Variants in MACROD2 observed in about 807,000 individuals in gnomAD.
The protein encoded by MACROD2 is mono-ADP ribosylhydrolase 2, also known as ADP-ribose glycohydrolase MACROD2.
In MACROD2, 36 loss-of-function variants were observed where a neutral mutation model predicts 70.4. The observed-to-expected ratio is 0.51, with a 90% CI of 0.39 to 0.68. The LOEUF (loss-of-function observed/expected upper bound fraction) is 0.68. MACROD2 is among the 30% of genes least tolerant of loss of function. The probability of loss-of-function intolerance (pLI) is 0.00; values close to 1 mark genes in which losing one functional copy is unlikely to be tolerated. For synonymous variants in MACROD2, 172 were observed against 178.8 expected (o/e 0.96, Z 0.30); for missense variants, 496 against 538.4 (o/e 0.92, Z 0.78).
intron 8 of MACROD2, among the ~76,000 whole-genome samples, chr20:15,563,877 G>A (rs938851338): frequency 2.0e-5 from 3 of 152,196 alleles, no homozygotes; most frequent in Non-Finnish European, 4.4e-5. Context: ...TGTTTTCCAT[G>A]CATATGATTC....
chr20:14,669,578 A>C (rs1328708577), intron 4 of MACROD2, among the ~76,000 whole-genome samples: 2 of 152,204 alleles, frequency 1.3e-5, no homozygotes, highest in Non-Finnish European at 2.9e-5. Context: ...AAATTCCTTG[A>C]GGAAAGATTA....
At chr20:15,205,964 G>T (rs1202283254) in intron 5 of MACROD2, among the ~76,000 whole-genome samples, 1 of 152,084 alleles carries the variant, frequency 6.6e-6, no homozygotes, top group Non-Finnish European at 1.5e-5. Flanking sequence ...CTGCTTGTTG[G>T]GCAGTAAAGC....
At chr20:14,809,242 C>T (rs961902654) in intron 5 of MACROD2, among the ~76,000 whole-genome samples, 3 of 152,094 alleles carry the variant, frequency 2.0e-5, no homozygotes, top group African/African-American at 7.2e-5. Flanking sequence ...GTTTCTCAGA[C>T]CACAGTGCAA....
chr20:14,003,319 G>T (rs925792196), intron 2 of MACROD2, among the ~76,000 whole-genome samples: 2 of 152,142 alleles, frequency 1.3e-5, no homozygotes, highest in African/African-American at 4.8e-5. Flanking sequence ...TTGGGTTTTA[G>T]ACACAACTTT....
chr20:14,485,649 C>G (rs890098326), intron 3 of MACROD2, among the ~76,000 whole-genome samples: 7 of 138,790 alleles, frequency 5.0e-5, no homozygotes, highest in African/African-American at 1.4e-4. Flanking sequence ...TGCAGTGAGC[C>G]GAGATCGTGC....
chr20:15,686,611 G>A (rs2050228243), intron 8 of MACROD2, among the ~76,000 whole-genome samples: 1 of 152,150 alleles, frequency 6.6e-6, no homozygotes, highest in Non-Finnish European at 1.5e-5. Context: ...GGTGGCTCAT[G>A]CCTGTAATCC....
chr20:14,536,662 T>TGTGC (rs1489076629), intron 4 of MACROD2, among the ~76,000 whole-genome samples: 4 of 143,494 alleles, frequency 2.8e-5, no homozygotes, highest in Non-Finnish European at 6.4e-5. Context: ...TGTGTGTGTG[T>TGTGC]GCATGCATGT....
chr20:15,093,222 G>C (rs1180794209), intron 5 of MACROD2, among the ~76,000 whole-genome samples: 1 of 152,046 alleles, frequency 6.6e-6, no homozygotes, highest in East Asian at 1.9e-4. Context: ...AGAAAATCGT[G>C]GTTTGTATAA....
chr20:15,548,677 A>G (rs1225276403), intron 8 of MACROD2, among the ~76,000 whole-genome samples: 3 of 152,152 alleles, frequency 2.0e-5, no homozygotes, highest in African/African-American at 7.2e-5. Context: ...TACAGGTGTG[A>G]GCCACTGCAC....
intron 8 of MACROD2, among the ~76,000 whole-genome samples, chr20:15,844,947 G>T (rs1307557965): frequency 2.6e-5 from 4 of 151,986 alleles, no homozygotes; most frequent in Non-Finnish European, 4.4e-5. Flanking sequence ...GTTATTTTAT[G>T]AAAATAACAT....
At chr20:14,658,551 C>A (rs1345918528) in intron 4 of MACROD2, among the ~76,000 whole-genome samples, 4 of 152,186 alleles carry the variant, frequency 2.6e-5, no homozygotes, top group African/African-American at 9.6e-5. Context: ...CTATTTATTT[C>A]TCCCTTTAGA....
intron 8 of MACROD2, among the ~76,000 whole-genome samples, chr20:15,764,144 T>C (rs1192890065): frequency 6.6e-6 from 1 of 152,236 alleles, no homozygotes. Context: ...GGCTGTGCTG[T>C]GCACCATTAT....
At chr20:15,634,320 C>A (rs1456998536) in intron 8 of MACROD2, among the ~76,000 whole-genome samples, 1 of 152,152 alleles carries the variant, frequency 6.6e-6, no homozygotes, top group Non-Finnish European at 1.5e-5. Context: ...ATGTAAGAGT[C>A]AATTTCCTGT....
intron 5 of MACROD2, among the ~76,000 whole-genome samples, chr20:14,727,568 C>T (rs2071544793): frequency 6.6e-6 from 1 of 151,998 alleles, no homozygotes; most frequent in African/African-American, 2.4e-5. Flanking sequence ...AGAGAAGAAA[C>T]AAAGTAGTTA....
chr20:16,007,537 C>T (rs75387110), intron 15 of MACROD2, among the ~76,000 whole-genome samples: 111 of 152,284 alleles, frequency 7.3e-4, no homozygotes, highest in African/African-American at 2.1e-3. Flanking sequence ...GTGCTATGGG[C>T]AGGAAAGCTT....
chr20:15,934,833 G>T (rs1210449055), intron 11 of MACROD2, among the ~76,000 whole-genome samples: 1 of 151,990 alleles, frequency 6.6e-6, no homozygotes, highest in Non-Finnish European at 1.5e-5. Flanking sequence ...AAGTAGCTGG[G>T]ACTACAGGCA....
At chr20:15,002,191 C>G (rs1481559683) in intron 5 of MACROD2, among the ~76,000 whole-genome samples, 1 of 152,152 alleles carries the variant, frequency 6.6e-6, no homozygotes, top group African/African-American at 2.4e-5. Context: ...AATCTCTGTA[C>G]TGTTTGCCGT....
intron 15 of MACROD2, among the ~76,000 whole-genome samples, chr20:16,030,842 G>A (rs2067142389): frequency 2.0e-5 from 3 of 152,142 alleles, no homozygotes; most frequent in Admixed American, 2.0e-4. Flanking sequence ...AGAAGTCAAT[G>A]TATAGAACAG....
rs141502110 is a variant in MACROD2 at position 14,587,622 on chromosome 20, A to G, written c.301+94114A>G. Among the ~76,000 whole-genome samples the G allele has an allele frequency of 7.7e-3, 1,166 of 152,042 alleles. 16 individuals are homozygous for G. The highest frequency in any genetic ancestry group is 0.027 in the African/African-American group (1,130 of 41,572). ...AAATGATTGTTTTATTAAAATGTAT[A>G]AACAGAATTATTAATACATTTATAT... is the stretch of plus-strand genomic sequence containing the variant. On this transcript the variant is annotated intron_variant, in intron 4 of 17. Transcript: ENST00000684519.
Sources: gnomAD v4.1 joint callset for allele counts (sites outside exome capture counted in the v4.1 genomes callset) on GRCh38, gnomAD v4.1.1 for gene constraint, MANE v1.5 for transcripts, NCBI Gene and HGNC (gene_info 2026-07-23, HGNC 2026-07-21) for gene names.